Variants in IP6K3 observed in about 807,000 individuals in gnomAD.
IP6K3 encodes the protein inositol hexakisphosphate kinase 3.
A neutral mutation model predicts 28.8 loss-of-function variants in IP6K3; 20 were observed. The ratio of observed to expected loss-of-function variants is 0.70; its 90% CI spans 0.49 to 1.01. IP6K3 has a LOEUF of 1.01. IP6K3 is among the 50% of genes least tolerant of loss of function. The probability of loss-of-function intolerance (pLI) is 0.00; values close to 1 mark genes in which losing one functional copy is unlikely to be tolerated. For synonymous variants in IP6K3, 213 were observed against 221.3 expected, an observed-to-expected ratio of 0.96 and a Z score of 0.33; for missense variants, 480 against 537.1, an observed-to-expected ratio of 0.89 and a Z score of 1.05.
At chr6:33,750,898 C>T (rs1272665159), upstream of IP6K3, among the ~76,000 whole-genome samples, 3 of 152,164 alleles carry the variant, frequency 2.0e-5, no homozygotes, top group Non-Finnish European at 2.9e-5. This position sits in a 1 kb window ranked among gnomAD's most constrained non-coding sequence, Gnocchi z 4.3. Context: ...ACAACAACCT[C>T]CACCTCATTC....
chr6:33,760,910 G>A, the IP6K3 span, among the ~76,000 whole-genome samples: 9 of 152,148 alleles, frequency 5.9e-5, no homozygotes, highest in East Asian at 1.7e-3. Context: ...CTGCTCTCTC[G>A]ATGGGCCTCT....
upstream of IP6K3, among the ~76,000 whole-genome samples, chr6:33,751,520 T>TGTGTGTGTGTG (rs1561914794): frequency 2.4e-4 from 24 of 98,436 alleles, no homozygotes; most frequent in South Asian, 8.1e-4. This position sits in a 1 kb window ranked among gnomAD's most constrained non-coding sequence, Gnocchi z 4.3. Flanking sequence ...GTGTGTGTGT[T>TGTGTGTGTGTG]TGGCCCCGGG....
upstream of IP6K3, among the ~76,000 whole-genome samples, chr6:33,751,876 G>C (rs1767027625): frequency 6.6e-6 from 1 of 152,244 alleles, no homozygotes; most frequent in Non-Finnish European, 1.5e-5. The surrounding 1 kb of genome is among the most constrained non-coding windows in gnomAD (Gnocchi z 4.3). Flanking sequence ...TTTGGGCCTG[G>C]AGAAGGCTGG....
chr6:33,742,480 G>A lies in IP6K3; in HGVS notation c.-180+4278C>T, dbSNP rs1766762560. ...ACCCAGGGGCAGCATGCTGCTGGTG[G>A]GCAGTGTCTAACGAAGTGCTTGGCA... is the stretch of plus-strand genomic sequence containing the variant. On this transcript the variant is annotated intron_variant, in intron 1 of 5. Coordinates refer to ENST00000293756, the MANE Select transcript of IP6K3 (RefSeq NM_054111.5). The surrounding 1 kb of genome is among the most constrained non-coding windows in gnomAD (Gnocchi z 4.5). 1.3e-5 allele frequency among the ~76,000 whole-genome samples: 2 copies of A among 152,264 alleles called. No individual in the cohort carries two copies. Among genetic ancestry groups the A allele is most frequent in the South Asian group, 4.1e-4 (2 of 4,826 alleles).
At chr6:33,726,249 C>T (rs1035865611) in intron 4 of IP6K3, among the ~76,000 whole-genome samples, 6 of 152,182 alleles carry the variant, frequency 3.9e-5, no homozygotes, top group Non-Finnish European at 7.3e-5. Flanking sequence ...CATGGGTGCT[C>T]CACTAAGGGA....
At chr6:33,761,164 C>G in the IP6K3 span, among the ~76,000 whole-genome samples, 1 of 152,116 alleles carries the variant, frequency 6.6e-6, no homozygotes, top group Admixed American at 6.5e-5. Context: ...GCCCTAAGAT[C>G]CCTCCTGGAA....
intron 3 of IP6K3, 77 bp downstream of exon 3, chr6:33,728,010 G>A: frequency 6.5e-7 from 1 of 1,550,048 alleles, no homozygotes; most frequent in Non-Finnish European, 8.7e-7. Flanking sequence ...GGGAGTGGTT[G>A]GCCTTGGGCA....
chr6:33,746,594 G>A lies in IP6K3; in HGVS notation c.-180+164C>T, dbSNP rs1367464991. The A allele has an allele frequency of 2.0e-5, 3 of 148,962 alleles. No homozygotes were observed. The highest frequency in any genetic ancestry group is 4.5e-5 in the Non-Finnish European group (3 of 67,336). 9.2% of individuals were successfully genotyped at this position (148,962 alleles called of 1,614,324 possible). ...CACACACAGATGGACAGACCTCCAC[G>A]AAGACGCTGGCACCTCCGTGGGGCA... is the stretch of plus-strand genomic sequence containing the variant. On this transcript the variant is annotated intron_variant, in intron 1 of 5. Transcript: ENST00000293756. The surrounding 1 kb of genome is among the most constrained non-coding windows in gnomAD (Gnocchi z 6.5).
At chr6:33,726,008 G>T (rs150301137) in intron 4 of IP6K3, among the ~76,000 whole-genome samples, 134 of 152,316 alleles carry the variant, frequency 8.8e-4, no homozygotes, top group Middle Eastern at 6.8e-3. Flanking sequence ...GAAGTGGGTT[G>T]ATGTTAGCTT....
chr6:33,728,157 C>G lies in IP6K3; in HGVS notation c.343G>C (p.Gly115Arg), dbSNP rs763055893. The G allele has an allele frequency of 1.9e-6, 3 of 1,612,500 alleles. No homozygotes were observed. The East Asian group carries it at 6.7e-5, about 36-fold the overall frequency. The part of the protein sequence containing the change: ...AIWQTLQQTT[G>R]SNGSDCTLAQ... ...AGGGTGCAGTCGCTGCCATTGCTGC[C>G]GGTGGTCTGCTGGAGCGTCTGCCAT... Residue 115 changes from glycine to arginine, a missense_variant, in exon 3 of 6, where the codon GGC becomes CGC. Coordinates refer to ENST00000293756, the MANE Select transcript of IP6K3 (RefSeq NM_054111.5).
intron 2 of IP6K3, among the ~76,000 whole-genome samples, chr6:33,729,487 G>C (rs987230465): frequency 1.3e-4 from 20 of 151,918 alleles, no homozygotes; most frequent in African/African-American, 4.8e-4. Flanking sequence ...TTGCCCAGTG[G>C]GGGGCACTGG....
chr6:33,760,026 G>A, the IP6K3 span, among the ~76,000 whole-genome samples: 1 of 152,236 alleles, frequency 6.6e-6, no homozygotes, highest in African/African-American at 2.4e-5. Context: ...CTCAGAGAGG[G>A]ACTGAGCCTG....
intron 1 of IP6K3, chr6:33,739,134 T>G (rs1277519177): frequency 6.6e-6 from 1 of 152,132 alleles, no homozygotes; most frequent in Non-Finnish European, 1.5e-5. Context: ...TGGCTGTACC[T>G]CCTCAGAGAG....
chr6:33,738,941 C>G (rs952574445), intron 1 of IP6K3, among the ~76,000 whole-genome samples: 1 of 152,172 alleles, frequency 6.6e-6, no homozygotes, highest in Non-Finnish European at 1.5e-5. Flanking sequence ...TGTCTCCTAC[C>G]TCTGCAGAAA....
the IP6K3 span, among the ~76,000 whole-genome samples, chr6:33,752,176 G>A: frequency 1.3e-5 from 2 of 152,188 alleles, no homozygotes; most frequent in Admixed American, 6.5e-5. Context: ...CCAATTACAC[G>A]CCGTTGATAC....
rs1360170165 is a variant in IP6K3 at position 33,729,293 on chromosome 6, G to A, written c.200-993C>T. 4.6e-5 allele frequency among the ~76,000 whole-genome samples: 7 copies of A among 152,350 alleles called. No homozygotes were observed. The East Asian group carries it at 1.3e-3, about 29-fold the overall frequency. On this transcript the variant is annotated intron_variant, in intron 2 of 5. Coordinates refer to ENST00000293756, the MANE Select transcript of IP6K3 (RefSeq NM_054111.5). ...GAGTCTTGGTAGTAGCACAGGAGAT[G>A]GCCACCCTTGTGGTTTTGGGAGAAG...
intron 5 of IP6K3, among the ~76,000 whole-genome samples, chr6:33,723,487 C>T (rs1262586193): frequency 6.6e-6 from 1 of 152,166 alleles, no homozygotes. Flanking sequence ...TGTGAATTTC[C>T]AATGTCAACC....
intron 2 of IP6K3, among the ~76,000 whole-genome samples, chr6:33,732,106 T>G (rs1222408814): frequency 6.6e-6 from 1 of 152,220 alleles, no homozygotes; most frequent in Non-Finnish European, 1.5e-5. Context: ...TCGGGTCAAT[T>G]GTTAACCAAC....
At chr6:33,727,944 G>A in intron 3 of IP6K3, 143 bp downstream of exon 3, 1 of 1,430,978 alleles carries the variant, frequency 7.0e-7, no homozygotes, top group Non-Finnish European at 9.1e-7. Context: ...GGTCACATTG[G>A]TTATTCTAGA....
Sources: gnomAD v4.1 joint callset for allele counts (sites outside exome capture counted in the v4.1 genomes callset) on GRCh38, gnomAD v4.1.1 for gene constraint, Gnocchi (gnomAD v3.1) non-coding constraint, MANE v1.5 for transcripts, NCBI Gene and HGNC (gene_info 2026-07-23, HGNC 2026-07-21) for gene names.